PAX4: variants seen among roughly 807,000 people sequenced by gnomAD.
The protein encoded by PAX4 is paired box protein Pax-4.
In PAX4, 33 loss-of-function variants were observed where a neutral mutation model predicts 40.6. The ratio of observed to expected loss-of-function variants is 0.81; its 90% CI spans 0.62 to 1.09. The LOEUF is 1.09. Ranked by LOEUF, PAX4 falls within the 50% of genes least tolerant of loss-of-function variation. The pLI, the probability that PAX4 is intolerant of heterozygous loss-of-function variation, is 0.00. For synonymous variants in PAX4, 174 were observed against 170.6 expected (o/e 1.02, Z -0.16); for missense variants, 459 against 442.5 (o/e 1.04, Z -0.33).
At position 127,611,560 on chromosome 7, in the gene PAX4, A is replaced by C. The variant is rs777621698; in HGVS notation, c.888T>G (p.Pro296=). Residue 296 remains proline (P), a synonymous_variant, in exon 11 of 12, where the codon CCT becomes CCG. Transcript: ENST00000639438. ...APERCLSDTP[P]KACLKPCWGH... ...CCCAGCAGGGCTTGAGACAGGCTTT[A>C]GGTGGGGTGTCACTCAGACACCTTT... 1.2e-6 allele frequency: 2 copies of C among 1,613,726 alleles called. No individual in the cohort carries two copies. Among genetic ancestry groups the C allele is most frequent in the South Asian group, 2.2e-5 (2 of 91,064 alleles).
intron 3 of PAX4, 176 bp downstream of exon 3, chr7:127,615,740 C>A (rs762103180): frequency 2.0e-6 from 3 of 1,497,622 alleles, no homozygotes; most frequent in East Asian, 2.5e-5. Flanking sequence ...CTTGCCCATA[C>A]CCGCCAACTC....
intron 9 of PAX4, 66 bp downstream of exon 9, chr7:127,612,956 G>A: frequency 8.5e-7 from 1 of 1,173,394 alleles, no homozygotes; most frequent in Non-Finnish European, 1.3e-6. Flanking sequence ...TGGATGGATG[G>A]ATGGATGGAT....
intron 8 of PAX4, 113 bp downstream of exon 8, chr7:127,613,337 C>T (rs766840797): frequency 2.8e-6 from 3 of 1,076,734 alleles, no homozygotes; most frequent in Non-Finnish European, 4.3e-6. Flanking sequence ...TTGCTCCAAA[C>T]AAATTTGCTT....
rs35434068 is a variant in PAX4 at position 127,611,678 on chromosome 7, T to TA, written c.772-3dup. The TA allele has an allele frequency of 0.028, 31,548 of 1,130,484 alleles. 137 individuals are homozygous for TA. Among genetic ancestry groups the TA allele is most frequent in the African/African-American group, 0.087 (5,512 of 63,452 alleles). 70.0% of individuals were successfully genotyped at this position (1,130,484 alleles called of 1,614,324 possible). A position where few individuals can be genotyped will look rare whatever the true frequency, so the allele number is the denominator to read the frequency against. On this transcript the variant is annotated splice_polypyrimidine_tract_variant and splice_region_variant and intron_variant, in intron 10 of 11. Coordinates refer to ENST00000639438, the MANE Select transcript of PAX4 (RefSeq NM_001366110.1). Reference sequence around the variant, plus strand: ...TGTGGGCACACTGCCAGGGGACTGCTAAAAAAAAAAAGCAAGAGAAGAACC... The same window carrying TA: ...TGTGGGCACACTGCCAGGGGACTGCTAAAAAAAAAAAAGCAAGAGAAGAACC...
chr7:127,612,566 G>T (rs1794648634), intron 9 of PAX4, among the ~76,000 whole-genome samples: 2 of 151,524 alleles, frequency 1.3e-5, no homozygotes, highest in South Asian at 4.2e-4. Context: ...TGGCTGGCTG[G>T]ATGGATGGAT....
Position 127,610,704 on chromosome 7 carries a change from T to C in PAX4, c.*360A>G. ...ATGCATAGATTAGATGGTAGATACA[T>C]AGATGTAAATAAATGATAGGGCAAA... On this transcript the variant is annotated 3_prime_UTR_variant, in exon 12 of 12. Coordinates refer to ENST00000639438, the MANE Select transcript of PAX4 (RefSeq NM_001366110.1). 1.6e-6 allele frequency: 1 copy of C among 627,234 alleles called. No homozygotes were observed. The highest frequency in any genetic ancestry group is 2.8e-6 in the Non-Finnish European group (1 of 355,110). 38.9% of individuals were successfully genotyped at this position (627,234 alleles called of 1,614,324 possible).
Position 127,610,568 on chromosome 7 carries a change from T to TGC in PAX4, c.*495_*496insGC, listed in dbSNP as rs1426725894. ...GTCAGTGTGTGTGTGTGTGTGTGTG[T>TGC]GTGCGCGCACGCATGCACGCATACA... On this transcript the variant is annotated 3_prime_UTR_variant, in exon 12 of 12. Coordinates refer to ENST00000639438, the MANE Select transcript of PAX4 (RefSeq NM_001366110.1). 356 of 292,468 alleles carry TGC rather than the reference T, an allele frequency of 1.2e-3. No homozygotes were observed. The highest frequency in any genetic ancestry group is 1.6e-3 in the Admixed American group (26 of 16,354). The allele number at this position is 292,468 out of a possible 1,614,324, so 18.1% of individuals were successfully genotyped here.
In PAX4 at chr7:127,615,980, G is replaced by A. The variant is rs1451294332; in HGVS notation, c.-52C>T. 5.2e-6 allele frequency: 8 copies of A among 1,534,330 alleles called. No homozygotes were observed. Among genetic ancestry groups the A allele is most frequent in the Admixed American group, 2.0e-5 (1 of 50,926 alleles). On this transcript the variant is annotated 5_prime_UTR_variant, in exon 3 of 12. Transcript: ENST00000639438. ...ATGAGACTCCAGCTGGGAAGGCTGG[G>A]AAGGGAAGTTCCTTCTAGGAGCTCC...
chr7:127,615,998 G>A lies in PAX4; in HGVS notation c.-70C>T, dbSNP rs1794719273. Reference sequence around the variant, plus strand: ...AGGCTGGGAAGGGAAGTTCCTTCTAGGAGCTCCTTTTCCAGCTTGGGGGCT... The same window carrying A: ...AGGCTGGGAAGGGAAGTTCCTTCTAAGAGCTCCTTTTCCAGCTTGGGGGCT... On this transcript the variant is annotated 5_prime_UTR_variant, in exon 3 of 12. Coordinates refer to ENST00000639438, the MANE Select transcript of PAX4 (RefSeq NM_001366110.1). 4 of 1,522,996 alleles carry A rather than the reference G, an allele frequency of 2.6e-6. No homozygotes were observed. Among genetic ancestry groups the A allele is most frequent in the African/African-American group, 1.4e-5 (1 of 72,726 alleles). 94.3% of individuals were successfully genotyped at this position (1,522,996 alleles called of 1,614,324 possible). A position where few individuals can be genotyped will look rare whatever the true frequency, so the allele number is the denominator to read the frequency against.
intron 10 of PAX4, 22 bp from the exon 11 acceptor site, chr7:127,611,698 A>C: frequency 6.2e-7 from 1 of 1,606,944 alleles, no homozygotes; most frequent in Non-Finnish European, 8.5e-7. Context: ...AAGCAAGAGA[A>C]GAACCTTAGC....
intron 8 of PAX4, 74 bp downstream of exon 8, chr7:127,613,376 A>T: frequency 1.4e-6 from 2 of 1,446,598 alleles, no homozygotes; most frequent in African/African-American, 1.4e-5. Flanking sequence ...TCTCCACCTC[A>T]TTGGAACCCA....
intron 5 of PAX4, 79 bp downstream of exon 5, chr7:127,614,801 T>A: frequency 6.5e-7 from 1 of 1,548,702 alleles, no homozygotes. Flanking sequence ...GATGCCCACA[T>A]TGCCAAATAA....
At chr7:127,611,836 AC>A in intron 10 of PAX4, 108 bp downstream of exon 10, 1 of 1,595,284 alleles carries the variant, frequency 6.3e-7, no homozygotes, top group Non-Finnish European at 8.5e-7. Context: ...CTTGACATGA[AC>A]ACTGTGGGGC....
intron 3 of PAX4, 66 bp downstream of exon 3, chr7:127,615,850 A>C: frequency 1.3e-6 from 2 of 1,534,808 alleles, no homozygotes; most frequent in Non-Finnish European, 1.7e-6. Context: ...GATGGAAGCA[A>C]AGCCCTGAGG....
intron 10 of PAX4, 125 bp from the exon 11 acceptor site, chr7:127,611,801 A>G (rs1233723365): frequency 1.1e-5 from 17 of 1,597,974 alleles, no homozygotes; most frequent in East Asian, 2.2e-5. Context: ...CACCATTCAC[A>G]TAGTAGACTT....
In PAX4 at chr7:127,613,532, T is replaced by A. The variant is rs1302906428; in HGVS notation, c.563A>T (p.Glu188Val). The A allele has an allele frequency of 6.2e-7, 1 of 1,613,992 alleles. No homozygotes were observed. Among genetic ancestry groups the A allele is most frequent in the Non-Finnish European group, 8.5e-7 (1 of 1,180,012 alleles). ...ATCAGGATACTGCCCACGCTGGAAC[T>A]CTGCGGAGATCGAGTCTCACAAAGT... ...SPSQAEALEK[E>V]FQRGQYPDSV... is the part of the protein sequence containing the mutation. Residue 188 changes from glutamate to valine, a missense_variant and splice_region_variant, in exon 8 of 12, where the codon GAG becomes GTG. By Grantham distance (121) the Glu-to-Val change is moderately radical (BLOSUM62 -2). Transcript: ENST00000639438.
At chr7:127,614,376 G>C (rs1362937642) in intron 6 of PAX4, 106 bp downstream of exon 6, 4 of 868,126 alleles carry the variant, frequency 4.6e-6, no homozygotes, top group South Asian at 2.9e-5. Flanking sequence ...CCTCCTTATT[G>C]GGTTGTTGTG....
Position 127,615,965 on chromosome 7 carries a change from A to AGCTGGGAAG in PAX4, c.-46_-38dup, listed in dbSNP as rs1794718802. On this transcript the variant is annotated 5_prime_UTR_variant, in exon 3 of 12. Coordinates refer to ENST00000639438, the MANE Select transcript of PAX4 (RefSeq NM_001366110.1). The stretch of plus-strand genomic sequence containing the variant: ...ACCCTCCTCAGAAGGATGAGACTCC[A>AGCTGGGAAG]GCTGGGAAGGCTGGGAAGGGAAGTT... The AGCTGGGAAG allele has an allele frequency of 1.3e-6, 2 of 1,535,864 alleles. No homozygotes were observed.
chr7:127,616,051 G>A, intron 2 of PAX4, 24 bp from the exon 3 acceptor site: 2 of 1,175,184 alleles, frequency 1.7e-6, no homozygotes, highest in South Asian at 1.4e-5. Flanking sequence ...GGGTTATTTG[G>A]GTGAGGTCTT....
Sources: allele counts gnomAD v4.1 joint callset (sites outside exome capture counted in the v4.1 genomes callset), GRCh38; gene constraint gnomAD v4.1.1; transcripts MANE v1.5; gene names NCBI Gene and HGNC (gene_info 2026-07-23, HGNC 2026-07-21).